PCDHA10: variants seen among roughly 807,000 people sequenced by gnomAD.
PCDHA10 encodes the protein protocadherin alpha-10.
A neutral mutation model predicts 61.2 loss-of-function variants in PCDHA10; 45 were observed. The observed-to-expected ratio is 0.74, with a 90% CI of 0.58 to 0.94. The LOEUF is 0.94. PCDHA10 is among the 40% of genes least tolerant of loss of function. The pLI is 0.00. For synonymous variants in PCDHA10, 602 were observed against 548.8 expected, an observed-to-expected ratio of 1.10 and a Z score of -1.35; for missense variants, 1,278 against 1,236.2, an observed-to-expected ratio of 1.03 and a Z score of -0.51.
rs1368181199 is a variant in PCDHA10 at position 140,856,690 on chromosome 5, T to G, written c.642T>G (p.Thr214=). The change falls in exon 1 of 4, where the codon ACT becomes ACG. Residue 214 remains threonine (T), a synonymous_variant. Coordinates refer to ENST00000307360, the MANE Select transcript of PCDHA10 (RefSeq NM_018901.4). ...AGCTAAAGTTGTTGTTGACAGCAAC[T>G]GATGGAGGCAAACCTGAATTTACCG... ...NPQLKLLLTA[T]DGGKPEFTGS... 1.3e-6 allele frequency: 2 copies of G among 1,597,086 alleles called. No homozygotes were observed. Among genetic ancestry groups the G allele is most frequent in the African/African-American group, 2.7e-5 (2 of 74,306 alleles).
intron 1 of PCDHA10, among the ~76,000 whole-genome samples, chr5:140,910,353 A>G (rs938677700): frequency 1.1e-4 from 16 of 152,306 alleles, no homozygotes; most frequent in African/African-American, 3.8e-4. Context: ...TCTGCTGTCC[A>G]TTATGGTAGC....
At chr5:140,872,588 C>G (rs995645358) in intron 1 of PCDHA10, among the ~76,000 whole-genome samples, 4 of 151,876 alleles carry the variant, frequency 2.6e-5, no homozygotes, top group African/African-American at 2.4e-5. Context: ...CATCGTGAGA[C>G]CCCCATCTGA....
At chr5:140,999,001 C>T (rs1405051280) in intron 3 of PCDHA10, among the ~76,000 whole-genome samples, 3 of 152,214 alleles carry the variant, frequency 2.0e-5, no homozygotes, top group Non-Finnish European at 4.4e-5. Flanking sequence ...AATGCTGGAG[C>T]TGAGATTTGA....
chr5:140,861,527 G>C (rs1554154863), intron 1 of PCDHA10: 3 of 454,914 alleles, frequency 6.6e-6, no homozygotes, highest in Non-Finnish European at 1.4e-5. Context: ...GGAGGATCTC[G>C]GAGTGCAGCA....
intron 1 of PCDHA10, among the ~76,000 whole-genome samples, chr5:140,978,203 C>T (rs1231262283): frequency 6.6e-6 from 1 of 152,178 alleles, no homozygotes; most frequent in East Asian, 1.9e-4. Context: ...CAATACACAA[C>T]TAATGCAAAA....
chr5:140,995,654 A>C (rs1183016354), intron 3 of PCDHA10, among the ~76,000 whole-genome samples: 2 of 152,184 alleles, frequency 1.3e-5, no homozygotes, highest in Non-Finnish European at 1.5e-5. Flanking sequence ...AGGAGAATCG[A>C]AAAGGGAAGT....
chr5:140,903,211 C>T (rs1457584095), intron 1 of PCDHA10, among the ~76,000 whole-genome samples: 1 of 152,174 alleles, frequency 6.6e-6, no homozygotes, highest in African/African-American at 2.4e-5. Context: ...TCACCACATT[C>T]ATGCCAACAT....
intron 1 of PCDHA10, chr5:140,876,311 G>A: frequency 1.2e-6 from 2 of 1,613,954 alleles, no homozygotes; most frequent in East Asian, 2.2e-5. Flanking sequence ...ATTTCCTATG[G>A]GATCAAAATG....
intron 1 of PCDHA10, chr5:140,967,558 C>G (rs1554229674): frequency 6.2e-7 from 1 of 1,614,050 alleles, no homozygotes; most frequent in South Asian, 1.1e-5. Flanking sequence ...CTTATCGCGT[C>G]CAGCTACGGG....
chr5:140,919,593 T>A (rs541275874), intron 1 of PCDHA10, among the ~76,000 whole-genome samples: 1 of 152,332 alleles, frequency 6.6e-6, no homozygotes, highest in South Asian at 2.1e-4. Flanking sequence ...TGGTAATTTT[T>A]AAAATAAATT....
intron 1 of PCDHA10, among the ~76,000 whole-genome samples, chr5:140,975,613 A>G (rs1482474647): frequency 1.3e-5 from 2 of 152,226 alleles, no homozygotes; most frequent in Non-Finnish European, 2.9e-5. Context: ...TGTCTTCCAC[A>G]TGGATTTCCA....
At chr5:140,987,011 C>G (rs1266225593) in intron 3 of PCDHA10, among the ~76,000 whole-genome samples, 1 of 151,990 alleles carries the variant, frequency 6.6e-6, no homozygotes, top group African/African-American at 2.4e-5. Context: ...GTCATGAGTT[C>G]GAGACCAGCC....
chr5:140,883,791 T>C, intron 1 of PCDHA10: 3 of 1,612,422 alleles, frequency 1.9e-6, no homozygotes, highest in Middle Eastern at 3.9e-4. Flanking sequence ...TCGAGCTACG[T>C]GTCGGTGCAC....
intron 3 of PCDHA10, among the ~76,000 whole-genome samples, chr5:141,004,743 T>G (rs1554259718): frequency 6.6e-6 from 1 of 152,182 alleles, no homozygotes; most frequent in Admixed American, 6.5e-5. Flanking sequence ...CTCTTTTGTC[T>G]CAGTCTCTTA....
At chr5:141,009,279 A>T (rs2098404369) in intron 3 of PCDHA10, among the ~76,000 whole-genome samples, 1 of 152,124 alleles carries the variant, frequency 6.6e-6, no homozygotes, top group Non-Finnish European at 1.5e-5. Flanking sequence ...ACATAGTGAG[A>T]TCCCATTTCT....
intron 1 of PCDHA10, chr5:140,966,362 A>C: frequency 2.5e-6 from 1 of 400,494 alleles, no homozygotes; most frequent in Non-Finnish European, 4.4e-6. Flanking sequence ...GGGGCTGGAG[A>C]GGCTGAGCAG....
rs1205531440 is a variant in PCDHA10, at chr5:140,868,945, T to C, written c.2388+10509T>C. On this transcript the variant is annotated intron_variant, in intron 1 of 3. Transcript: ENST00000307360. ...TTCATTTAAAGGTTGGTCTGAACAG[T>C]GAGGCACTCCCATACAAAGGAACTC... 5 of 1,284,792 alleles carry C rather than the reference T, an allele frequency of 3.9e-6. No individual in the cohort carries two copies. The Admixed American group carries it at 1.1e-4, about 28-fold the overall frequency. The allele number at this position is 1,284,792 out of a possible 1,614,324, so 79.6% of individuals were successfully genotyped here. A position where few individuals can be genotyped will look rare whatever the true frequency, so the allele number is the denominator to read the frequency against.
At chr5:140,873,210 A>G (rs1372631390) in intron 1 of PCDHA10, among the ~76,000 whole-genome samples, 2 of 152,208 alleles carry the variant, frequency 1.3e-5, no homozygotes, top group African/African-American at 4.8e-5. Flanking sequence ...TTCTTTAAGT[A>G]TTAAAGAGAA....
Position 140,967,394 on chromosome 5 carries a change from G to C in PCDHA10, c.2389-11555G>C, listed in dbSNP as rs1379450273. On this transcript the variant is annotated intron_variant, in intron 1 of 3. Coordinates refer to ENST00000307360, the MANE Select transcript of PCDHA10 (RefSeq NM_018901.4). ...GGAGAACAGTAAAGTGCTTGAGCTGGTGCTGCGTAAGGGCCTAGACCGGGA... is the reference window on the plus strand; with the variant it reads ...GGAGAACAGTAAAGTGCTTGAGCTGCTGCTGCGTAAGGGCCTAGACCGGGA... 4 of 1,609,940 alleles carry C rather than the reference G, an allele frequency of 2.5e-6. No homozygotes were observed. In the African/African-American group the frequency reaches 4.0e-5, roughly 16 times the overall value.
Sources: gnomAD v4.1 joint callset for allele counts (sites outside exome capture counted in the v4.1 genomes callset) on GRCh38, gnomAD v4.1.1 for gene constraint, MANE v1.5 for transcripts, NCBI Gene and HGNC (gene_info 2026-07-23, HGNC 2026-07-21) for gene names.